Variants in VPS53 observed in about 807,000 individuals in gnomAD.
VPS53 encodes the protein VPS53 subunit of GARP complex, also known as vacuolar protein sorting-associated protein 53 homolog.
A neutral mutation model predicts 107.0 loss-of-function variants in VPS53; 70 were observed. The observed-to-expected ratio is 0.65, with a 90% CI of 0.54 to 0.80. The LOEUF (loss-of-function observed/expected upper bound fraction) is 0.80. Among genes scored for constraint, VPS53 ranks in the 30% least tolerant of loss-of-function variants. The pLI is 0.00. For synonymous variants in VPS53, 409 were observed against 393.3 expected (o/e 1.04, Z -0.47); for missense variants, 917 against 1,049.4 (o/e 0.87, Z 1.74).
At chr17:559,081 C>A (rs1912706450) in intron 15 of VPS53, among the ~76,000 whole-genome samples, 1 of 151,928 alleles carries the variant, frequency 6.6e-6, no homozygotes, top group South Asian at 2.1e-4. Context: ...GTAATAATGA[C>A]CCTGTAATGA....
At chr17:533,980 C>T (rs1909812606) in intron 18 of VPS53, among the ~76,000 whole-genome samples, 1 of 152,090 alleles carries the variant, frequency 6.6e-6, no homozygotes, top group Admixed American at 6.6e-5. Context: ...GCTGGGACTA[C>T]AGGCACGCAC....
rs779802186 is a variant in VPS53 at position 574,139 on chromosome 17, A to T, written c.1314-11394T>A. The stretch of plus-strand genomic sequence containing the variant: ...AAGGAAATGGAGTTCTTTGAACTCT[A>T]TTTTCTACTTTGAGTTACAGTGTTT... On this transcript the variant is annotated intron_variant, in intron 13 of 21. Transcript: ENST00000437048. 2.1e-4 allele frequency among the ~76,000 whole-genome samples: 32 copies of T among 152,144 alleles called. 1 individual carries two copies. The highest frequency in any genetic ancestry group is 9.8e-4 in the Admixed American group (15 of 15,274).
chr17:532,258 GTTTTTTGCTAGT>G (rs1353135861), intron 19 of VPS53: 1 of 151,572 alleles, frequency 6.6e-6, no homozygotes, highest in African/African-American at 2.4e-5. Context: ...AATATTCCAA[GTTTTTTGCTAGT>G]TTTTTTGTTT....
intron 12 of VPS53, 150 bp from the exon 13 acceptor site, chr17:586,514 C>G (rs1967327430): frequency 3.9e-6 from 3 of 767,970 alleles, no homozygotes; most frequent in Non-Finnish European, 6.2e-6. Flanking sequence ...CACCATTCAC[C>G]CTGGCAGGTG....
chr17:521,885 A>G, intron 19 of VPS53, 147 bp from the exon 20 acceptor site: 1 of 948,882 alleles, frequency 1.1e-6, no homozygotes, highest in Non-Finnish European at 1.4e-6. Flanking sequence ...ATATAAAAGA[A>G]AAAAATTATG....
chr17:594,493 C>T (rs138502471), intron 12 of VPS53, among the ~76,000 whole-genome samples: 160 of 147,962 alleles, frequency 1.1e-3, no homozygotes, highest in African/African-American at 3.9e-3. Flanking sequence ...GGGAAGGGGT[C>T]TGGATCAATT....
intron 15 of VPS53, among the ~76,000 whole-genome samples, chr17:557,228 T>C (rs1912524183): frequency 6.6e-6 from 1 of 152,162 alleles, no homozygotes. Flanking sequence ...ATCCTTGATG[T>C]TCCTTGGCTC....
At chr17:633,916 C>T (rs961781042) in intron 7 of VPS53, among the ~76,000 whole-genome samples, 1 of 152,224 alleles carries the variant, frequency 6.6e-6, no homozygotes, top group African/African-American at 2.4e-5. Flanking sequence ...CTTCCAGAGG[C>T]TCAGGCCCCC....
Position 513,322 on chromosome 17 carries a change from A to C in VPS53, c.*5806T>G, listed in dbSNP as rs1908065160. The C allele has an allele frequency of 6.6e-6, 1 of 152,334 alleles. No homozygotes were observed. Among genetic ancestry groups the C allele is most frequent in the Non-Finnish European group, 1.5e-5 (1 of 68,030 alleles). 9.4% of individuals were successfully genotyped at this position (152,334 alleles called of 1,614,324 possible). A position where few individuals can be genotyped will look rare whatever the true frequency, so the allele number is the denominator to read the frequency against. ...GAAAATGAAAGCTATTTACACAAAGAAGCAATCCCTTTATTTTAAGGAAAT... is the reference window on the plus strand; with the variant it reads ...GAAAATGAAAGCTATTTACACAAAGCAGCAATCCCTTTATTTTAAGGAAAT... On this transcript the variant is annotated 3_prime_UTR_variant, in exon 22 of 22. Transcript: ENST00000437048.
Position 710,571 on chromosome 17 carries a change from C to A in VPS53, c.130G>T (p.Ala44Ser). Residue 44 changes from alanine (A) to serine (S), a missense_variant, in exon 2 of 22, where the codon GCT (alanine) becomes TCT (serine). Coordinates refer to ENST00000437048, the MANE Select transcript of VPS53 (RefSeq NM_001128159.3). ...QDPLDRADFN[A>S]VEYINTLFPT... ...AACAGGGTATTGATATACTCAACAG[C>A]ATTGAAATCTGCTCGATCTAGAGGG... is the stretch of plus-strand genomic sequence containing the variant. 6.2e-7 allele frequency: 1 copy of A among 1,614,016 alleles called. No individual in the cohort carries two copies.
chr17:607,866 A>G (rs1288872769), intron 11 of VPS53, among the ~76,000 whole-genome samples: 1 of 152,046 alleles, frequency 6.6e-6, no homozygotes, highest in Non-Finnish European at 1.5e-5. Flanking sequence ...TGTCTAATTC[A>G]CTGTCAAGAA....
chr17:701,733 T>G (rs1192336509), intron 2 of VPS53, among the ~76,000 whole-genome samples: 1 of 151,840 alleles, frequency 6.6e-6, no homozygotes, highest in Non-Finnish European at 1.5e-5. Flanking sequence ...TAATATCAAA[T>G]AGCCTACCTT....
rs543807408 is a variant in VPS53 at position 568,786 on chromosome 17, G to A, written c.1314-6041C>T. Among the ~76,000 whole-genome samples the A allele has an allele frequency of 1.1e-4, 16 of 152,332 alleles. No individual in the cohort carries two copies. In the East Asian group the frequency reaches 3.1e-3, roughly 29 times the overall value. ...AGGCAGTTGCCAACGTTGAATGGGAGAGGCTAAAATAAACCCTGTGGTGTG... is the reference window on the plus strand; with the variant it reads ...AGGCAGTTGCCAACGTTGAATGGGAAAGGCTAAAATAAACCCTGTGGTGTG... On this transcript the variant is annotated intron_variant, in intron 13 of 21. Coordinates refer to ENST00000437048, the MANE Select transcript of VPS53 (RefSeq NM_001128159.3).
At chr17:687,033 C>G (rs1398678531) in intron 4 of VPS53, among the ~76,000 whole-genome samples, 1 of 152,156 alleles carries the variant, frequency 6.6e-6, no homozygotes, top group African/African-American at 2.4e-5. Context: ...GCCTGTAATC[C>G]CAGCACTTTG....
intron 17 of VPS53, among the ~76,000 whole-genome samples, chr17:546,329 T>TCACACA (rs71371545): frequency 0.086 from 11,338 of 131,782 alleles, 592 homozygotes; most frequent in African/African-American, 0.12. Context: ...CTTAGATATC[T>TCACACA]CACACACACA....
intron 5 of VPS53, among the ~76,000 whole-genome samples, chr17:657,929 T>G (rs1271388681): frequency 6.6e-6 from 1 of 151,352 alleles, no homozygotes; most frequent in Admixed American, 6.6e-5. Context: ...AGTTCTTGGA[T>G]AGATACATCG....
intron 17 of VPS53, among the ~76,000 whole-genome samples, chr17:544,745 T>C (rs1488013158): frequency 2.6e-5 from 4 of 152,150 alleles, no homozygotes; most frequent in African/African-American, 9.7e-5. Flanking sequence ...GCTCAGTAAA[T>C]AGTAACTTAT....
At chr17:659,677 C>A (rs900322471) in intron 5 of VPS53, among the ~76,000 whole-genome samples, 7 of 152,074 alleles carry the variant, frequency 4.6e-5, no homozygotes, top group Non-Finnish European at 1.0e-4. Context: ...TCTGCTTCAT[C>A]TCAAGACTCT....
intron 11 of VPS53, 87 bp from the exon 12 acceptor site, chr17:601,983 A>G: frequency 4.0e-6 from 4 of 1,011,654 alleles, no homozygotes; most frequent in Non-Finnish European, 5.6e-6. Context: ...GGTGTCTCCA[A>G]CAAGGAAGTC....
Sources: allele counts gnomAD v4.1 joint callset (sites outside exome capture counted in the v4.1 genomes callset), GRCh38; gene constraint gnomAD v4.1.1; transcripts MANE v1.5; gene names NCBI Gene and HGNC (gene_info 2026-07-23, HGNC 2026-07-21).